The following SESTD1 variants were observed in gnomAD, a reference collection of about 807,000 sequenced individuals.
The protein encoded by SESTD1 is SEC14 domain and spectrin repeat-containing protein 1.
SESTD1 carries 43 observed loss-of-function variants against 101.7 expected under a neutral mutation model. The ratio of observed to expected loss-of-function variants is 0.42; its 90% confidence interval spans 0.33 to 0.55. The LOEUF (loss-of-function observed/expected upper bound fraction) is 0.55, where lower values mean the gene tolerates loss of function less well. Among genes scored for constraint, SESTD1 ranks in the 20% least tolerant of loss-of-function variants. The probability of loss-of-function intolerance (pLI) is 0.07; values close to 1 mark genes in which losing one functional copy is unlikely to be tolerated. For synonymous variants in SESTD1, 283 were observed against 286.8 expected, an observed-to-expected ratio of 0.99 and a Z score of 0.13; for missense variants, 647 against 815.1, an observed-to-expected ratio of 0.79 and a Z score of 2.51.
chr2:179,117,185 G>A (rs2044653035), intron 14 of SESTD1, among the ~76,000 whole-genome samples: 1 of 152,082 alleles, frequency 6.6e-6, no homozygotes, highest in South Asian at 2.1e-4. Flanking sequence ...TGTTTATCTG[G>A]TATTGAAATT....
At chr2:179,191,965 C>A (rs1006931565) in intron 1 of SESTD1, 99 bp from the exon 2 acceptor site, 34 of 792,278 alleles carry the variant, frequency 4.3e-5, no homozygotes, top group Non-Finnish European at 6.5e-5. Context: ...AACCTGAGAA[C>A]TACTGACATT....
chr2:179,187,520 G>C (rs764046522), intron 2 of SESTD1, among the ~76,000 whole-genome samples: 46 of 152,170 alleles, frequency 3.0e-4, no homozygotes, highest in Admixed American at 6.5e-4. Context: ...TGTGGTCCCA[G>C]CTAGTCGAAA....
At chr2:179,173,863 G>A (rs2045966122) in intron 4 of SESTD1, among the ~76,000 whole-genome samples, 1 of 151,790 alleles carries the variant, frequency 6.6e-6, no homozygotes, top group Non-Finnish European at 1.5e-5. Flanking sequence ...TAAATTCAAG[G>A]GCCCAACCTC....
intron 2 of SESTD1, among the ~76,000 whole-genome samples, chr2:179,183,749 C>A (rs899582669): frequency 6.6e-6 from 1 of 150,442 alleles, no homozygotes; most frequent in Non-Finnish European, 1.5e-5. Flanking sequence ...AGGCTGAGGG[C>A]GAGAGTATCA....
At chr2:179,200,411 G>C (rs1055781922) in intron 1 of SESTD1, among the ~76,000 whole-genome samples, 15 of 151,730 alleles carry the variant, frequency 9.9e-5, no homozygotes, top group African/African-American at 2.9e-4. Flanking sequence ...CACAGAATTG[G>C]AAAAAACTAC....
At position 179,112,709 on chromosome 2, in the gene SESTD1, G is replaced by A. The variant is rs368094055; in HGVS notation, c.1961+15C>T. On this transcript the variant is annotated intron_variant, in intron 17 of 17. Transcript: ENST00000428443. Reference sequence around the variant, plus strand: ...ACACCAATAAAAAATAAAATTATAAGAACATGCCCCATACCCATCAGGATA... The same window carrying A: ...ACACCAATAAAAAATAAAATTATAAAAACATGCCCCATACCCATCAGGATA... 235 of 1,584,594 alleles carry A rather than the reference G, an allele frequency of 1.5e-4. No individual in the cohort carries two copies. Among genetic ancestry groups the A allele is most frequent in the Non-Finnish European group, 1.9e-4 (225 of 1,172,488 alleles).
intron 9 of SESTD1, among the ~76,000 whole-genome samples, chr2:179,140,403 C>G (rs915523001): frequency 1.3e-5 from 2 of 152,080 alleles, no homozygotes; most frequent in East Asian, 3.8e-4. Flanking sequence ...CAGACACATA[C>G]AGAGAGAAGA....
Position 179,149,414 on chromosome 2 carries a change from A to G in SESTD1, c.484-20T>C, listed in dbSNP as rs774476405. Reference sequence around the variant, plus strand: ...AAAAACCTACAATATGAGTTTTATTAACATACTAAGAACAGTCTTAAAAAT... The same window carrying G: ...AAAAACCTACAATATGAGTTTTATTGACATACTAAGAACAGTCTTAAAAAT... On this transcript the variant is annotated intron_variant, in intron 6 of 17. Coordinates refer to ENST00000428443, the MANE Select transcript of SESTD1 (RefSeq NM_178123.5). 14 of 1,490,306 alleles carry G rather than the reference A, an allele frequency of 9.4e-6. No individual in the cohort carries two copies. The highest frequency in any genetic ancestry group is 1.3e-5 in the Non-Finnish European group (14 of 1,081,316). 92.3% of individuals were successfully genotyped at this position (1,490,306 alleles called of 1,614,324 possible).
Position 179,108,990 on chromosome 2 carries a change from C to A in SESTD1, c.*909G>T, listed in dbSNP as rs1035705036. On this transcript the variant is annotated 3_prime_UTR_variant, in exon 18 of 18. Transcript: ENST00000428443. The stretch of plus-strand genomic sequence containing the variant: ...TAATTATGTATGCCTTCTTCCTCAG[C>A]CCTCCTCCCCTAAAGACAAAGTATC... 1 of 152,020 alleles carries A rather than the reference C, an allele frequency of 6.6e-6. No homozygotes were observed. Among genetic ancestry groups the A allele is most frequent in the Non-Finnish European group, 1.5e-5 (1 of 67,934 alleles). 9.4% of individuals were successfully genotyped at this position (152,020 alleles called of 1,614,324 possible).
intron 10 of SESTD1, among the ~76,000 whole-genome samples, chr2:179,130,441 TATA>T (rs1160910277): frequency 2.0e-5 from 3 of 152,120 alleles, no homozygotes; most frequent in Admixed American, 6.5e-5. Flanking sequence ...TTGAAAACCT[TATA>T]AATATATTAA....
At position 179,106,752 on chromosome 2, in the gene SESTD1, TCAA is replaced by T. The variant is rs2044391717; in HGVS notation, c.*3144_*3146del. The T allele has an allele frequency of 6.6e-6, 1 of 152,064 alleles. No individual in the cohort carries two copies. The highest frequency in any genetic ancestry group is 2.1e-4 in the South Asian group (1 of 4,804). The allele number at this position is 152,064 out of a possible 1,614,324, so 9.4% of individuals were successfully genotyped here. ...CCAGCTGGCAGGCTGAGCAGTTTCA[TCAA>T]CATCACCAATGAGTCACCAGAACTG... On this transcript the variant is annotated 3_prime_UTR_variant, in exon 18 of 18. Coordinates refer to ENST00000428443, the MANE Select transcript of SESTD1 (RefSeq NM_178123.5).
At chr2:179,260,047 A>T (rs189298854) in intron 1 of SESTD1, among the ~76,000 whole-genome samples, 1 of 152,342 alleles carries the variant, frequency 6.6e-6, no homozygotes, top group Non-Finnish European at 1.5e-5. Flanking sequence ...CTACTTAAAA[A>T]TTTGTTCCTA....
chr2:179,233,785 G>A (rs1313525316), intron 1 of SESTD1, among the ~76,000 whole-genome samples: 4 of 152,158 alleles, frequency 2.6e-5, no homozygotes, highest in Admixed American at 6.5e-5. Context: ...GATAGATACA[G>A]GGATACATGC....
intron 1 of SESTD1, among the ~76,000 whole-genome samples, chr2:179,255,592 G>A (rs2047382316): frequency 6.6e-6 from 1 of 152,182 alleles, no homozygotes; most frequent in Admixed American, 6.5e-5. Context: ...GGTTCATGAG[G>A]TTTAACGAAA....
chr2:179,116,624 T>G (rs1189136256), intron 15 of SESTD1, 44 bp downstream of exon 15: 1 of 1,613,690 alleles, frequency 6.2e-7, no homozygotes, highest in African/African-American at 1.3e-5. Context: ...AGAAAGCTAT[T>G]CAAACACTGA....
intron 5 of SESTD1, among the ~76,000 whole-genome samples, chr2:179,160,972 C>G (rs183302942): frequency 1.7e-3 from 260 of 152,032 alleles, no homozygotes; most frequent in South Asian, 0.016. Flanking sequence ...CTCTCTGGCA[C>G]CCAGGCTGAA....
At chr2:179,225,563 A>G (rs1338074804) in intron 1 of SESTD1, among the ~76,000 whole-genome samples, 1 of 152,158 alleles carries the variant, frequency 6.6e-6, no homozygotes, top group Non-Finnish European at 1.5e-5. Flanking sequence ...TAATTTATAA[A>G]TAATAGAAAT....
intron 1 of SESTD1, among the ~76,000 whole-genome samples, chr2:179,261,399 T>C (rs1387408152): frequency 6.6e-6 from 1 of 152,174 alleles, no homozygotes; most frequent in African/African-American, 2.4e-5. Flanking sequence ...ACTCAGACCT[T>C]GCCTCTTATT....
chr2:179,226,749 A>G (rs2046892033), intron 1 of SESTD1, among the ~76,000 whole-genome samples: 1 of 152,196 alleles, frequency 6.6e-6, no homozygotes, highest in South Asian at 2.1e-4. Context: ...ATAAAACCAA[A>G]ATAGTTATTT....
Sources: allele counts gnomAD v4.1 joint callset (sites outside exome capture counted in the v4.1 genomes callset), GRCh38; gene constraint gnomAD v4.1.1; transcripts MANE v1.5; gene names NCBI Gene and HGNC (gene_info 2026-07-23, HGNC 2026-07-21).